PRKG1: variants seen among roughly 807,000 people sequenced by gnomAD.
PRKG1 encodes the protein cGMP-dependent protein kinase 1.
A neutral mutation model predicts 88.1 loss-of-function variants in PRKG1; 35 were observed. The observed-to-expected ratio is 0.40, with a 90% CI of 0.30 to 0.53. PRKG1 has a LOEUF of 0.53. Among genes scored for constraint, PRKG1 ranks in the 20% least tolerant of loss-of-function variants. PRKG1 has a pLI of 0.59. For missense variants in PRKG1, 540 were observed against 839.8 expected (o/e 0.64, Z 4.41); for synonymous variants, 303 against 292.5 (o/e 1.04, Z -0.37).
intron 3 of PRKG1, among the ~76,000 whole-genome samples, chr10:51,674,795 AG>A (rs1840670610): frequency 6.6e-6 from 1 of 152,200 alleles, no homozygotes; most frequent in Non-Finnish European, 1.5e-5. Context: ...GTTGAACAAT[AG>A]TAATTTTGTC....
chr10:52,289,140 T>A, intron 16 of PRKG1, 147 bp downstream of exon 16: 4 of 711,494 alleles, frequency 5.6e-6, no homozygotes, highest in Non-Finnish European at 9.2e-6. Flanking sequence ...TAAATGCCTT[T>A]CTAGTTGTGA....
intron 3 of PRKG1, among the ~76,000 whole-genome samples, chr10:51,794,613 G>A (rs1035483314): frequency 4.6e-5 from 7 of 152,016 alleles, no homozygotes; most frequent in African/African-American, 4.8e-5. Flanking sequence ...AAAATGCCAA[G>A]AGAATGGATG....
At chr10:52,244,781 A>T (rs367727764) in intron 9 of PRKG1, among the ~76,000 whole-genome samples, 2 of 43,990 alleles carry the variant, frequency 4.5e-5, no homozygotes, top group Admixed American at 2.8e-4. Context: ...TATATACCTT[A>T]ATATATATTT....
At chr10:52,272,306 A>G in intron 11 of PRKG1, 86 bp from the exon 12 acceptor site, 1 of 1,049,146 alleles carries the variant, frequency 9.5e-7, no homozygotes, top group Non-Finnish European at 1.4e-6. Context: ...TGGCAAATCA[A>G]AACTATAATC....
At chr10:51,921,678 T>G (rs72801430) in intron 5 of PRKG1, among the ~76,000 whole-genome samples, 5,647 of 152,136 alleles carry the variant, frequency 0.037, 157 homozygotes, top group Non-Finnish European at 0.058. Flanking sequence ...GATCATGTGA[T>G]TTTTCTTCTT....
chr10:51,517,542 T>A (rs1841621470), intron 3 of PRKG1, among the ~76,000 whole-genome samples: 1 of 152,212 alleles, frequency 6.6e-6, no homozygotes, highest in African/African-American at 2.4e-5. Context: ...TCCCCAAGAT[T>A]GACAAGACAG....
chr10:51,573,968 C>T lies in PRKG1; in HGVS notation c.592+106132C>T, dbSNP rs34179934. Among the ~76,000 whole-genome samples the T allele has an allele frequency of 7.7e-3, 1,169 of 152,004 alleles. 4 individuals carry two copies. The highest frequency in any genetic ancestry group is 0.012 in the Non-Finnish European group (813 of 67,880). On this transcript the variant is annotated intron_variant, in intron 3 of 17. Coordinates refer to ENST00000373980, the MANE Select transcript of PRKG1 (RefSeq NM_006258.4). Reference sequence around the variant, plus strand: ...GAAATAGACAAGAAGCACTTAGCAGCTTACCACAACATTAGGCAATGAAGT... The same window carrying T: ...GAAATAGACAAGAAGCACTTAGCAGTTTACCACAACATTAGGCAATGAAGT...
intron 7 of PRKG1, among the ~76,000 whole-genome samples, chr10:52,070,505 C>T (rs1227062962): frequency 2.0e-5 from 3 of 152,072 alleles, no homozygotes; most frequent in African/African-American, 7.2e-5. Context: ...CTGTGCATCT[C>T]CTTTTGAGAA....
chr10:52,004,788 G>T (rs180993923), intron 5 of PRKG1, among the ~76,000 whole-genome samples: 28 of 152,138 alleles, frequency 1.8e-4, no homozygotes, highest in Admixed American at 3.9e-4. Flanking sequence ...TTTTAGAGGC[G>T]CAGTGGCTCA....
At chr10:51,203,056 T>G (rs1837953366) in intron 2 of PRKG1, among the ~76,000 whole-genome samples, 1 of 151,492 alleles carries the variant, frequency 6.6e-6, no homozygotes, top group Admixed American at 6.6e-5. Flanking sequence ...ATTTTAGGAG[T>G]AGAACTCATA....
rs965471142 is a variant in PRKG1, at chr10:51,153,257, C to G, written c.405C>G (p.Tyr135Ter). The G allele has an allele frequency of 1.9e-6, 3 of 1,612,324 alleles. No individual in the cohort carries two copies. The highest frequency in any genetic ancestry group is 1.7e-6 in the Non-Finnish European group (2 of 1,178,928). ...SQIQEIVDCMYPVEYGKDSCI... is the reference protein window; with the variant it reads ...SQIQEIVDCM ...TCCAGGAGATTGTGGATTGTATGTA[C>G]CCGGTGGAGTATGGCAAGGACAGTT... Residue 135 changes from tyrosine (Y) to a stop codon, truncating the protein, a stop_gained, in exon 2 of 18, where the codon TAC becomes TAG. Transcript: ENST00000373980. LOFTEE classifies it high-confidence loss of function.
chr10:51,292,788 A>G (rs1423414835), intron 2 of PRKG1, among the ~76,000 whole-genome samples: 1 of 152,194 alleles, frequency 6.6e-6, no homozygotes, highest in African/African-American at 2.4e-5. Context: ...ATCTATAAAC[A>G]TACACGTTTT....
At chr10:51,897,322 G>T (rs1223450019) in intron 4 of PRKG1, among the ~76,000 whole-genome samples, 1 of 152,002 alleles carries the variant, frequency 6.6e-6, no homozygotes, top group South Asian at 2.1e-4. Flanking sequence ...TGTCAATGTT[G>T]GTGGCACTAA....
At chr10:52,263,528 A>G (rs1564537067) in intron 10 of PRKG1, among the ~76,000 whole-genome samples, 1 of 151,970 alleles carries the variant, frequency 6.6e-6, no homozygotes, top group Admixed American at 6.6e-5. Flanking sequence ...TACCACTGCA[A>G]TAAGAACCCT....
intron 2 of PRKG1, among the ~76,000 whole-genome samples, chr10:51,458,130 C>A (rs1839639333): frequency 6.6e-6 from 1 of 152,080 alleles, no homozygotes; most frequent in African/African-American, 2.4e-5. Context: ...ATCCTAACCT[C>A]ATAAAATGGG....
chr10:51,548,025 A>G (rs1268623498), intron 3 of PRKG1, among the ~76,000 whole-genome samples: 1 of 152,118 alleles, frequency 6.6e-6, no homozygotes, highest in Non-Finnish European at 1.5e-5. Flanking sequence ...TTATCCGTAC[A>G]AATAGGCTGT....
intron 1 of PRKG1, among the ~76,000 whole-genome samples, chr10:51,120,078 T>C (rs4347327): frequency 0.8 from 121,149 of 151,932 alleles, 48,868 homozygotes; most frequent in South Asian, 0.88. Flanking sequence ...TGAGAATTTT[T>C]TTTTAACTTT....
At chr10:51,585,017 C>T (rs1205409439) in intron 3 of PRKG1, among the ~76,000 whole-genome samples, 1 of 152,038 alleles carries the variant, frequency 6.6e-6, no homozygotes. Context: ...TAGAATAGGT[C>T]TTATTAGCAA....
intron 9 of PRKG1, among the ~76,000 whole-genome samples, chr10:52,216,019 A>C (rs1363650501): frequency 1.3e-5 from 2 of 152,168 alleles, no homozygotes; most frequent in Non-Finnish European, 2.9e-5. Flanking sequence ...ACAATGGCAA[A>C]GGAAACAAGC....
Sources: gnomAD v4.1 joint callset for allele counts (sites outside exome capture counted in the v4.1 genomes callset) on GRCh38, gnomAD v4.1.1 for gene constraint, MANE v1.5 for transcripts, NCBI Gene and HGNC (gene_info 2026-07-23, HGNC 2026-07-21) for gene names.